NXPH1: variants seen among roughly 807,000 people sequenced by gnomAD.
NXPH1 encodes the protein neurexophilin-1.
In NXPH1, 5 loss-of-function variants were observed where a neutral mutation model predicts 23.7. The ratio of observed to expected loss-of-function variants is 0.21; its 90% CI spans 0.11 to 0.44. The LOEUF is 0.44. Ranked by LOEUF, NXPH1 falls within the 20% of genes least tolerant of loss-of-function variation. The probability of loss-of-function intolerance (pLI) is 0.99; values close to 1 mark genes in which losing one functional copy is unlikely to be tolerated. For synonymous variants in NXPH1, 144 were observed against 122.2 expected, an observed-to-expected ratio of 1.18 and a Z score of -1.18; for missense variants, 324 against 321.6, an observed-to-expected ratio of 1.01 and a Z score of -0.06.
At chr7:8,612,546 C>A (rs1040290150) in intron 2 of NXPH1, among the ~76,000 whole-genome samples, 1 of 151,978 alleles carries the variant, frequency 6.6e-6, no homozygotes, top group Non-Finnish European at 1.5e-5. Context: ...AATAAGCATT[C>A]ATATGTGCTA....
At chr7:8,467,375 G>T (rs9639042) in intron 2 of NXPH1, among the ~76,000 whole-genome samples, 1 of 151,914 alleles carries the variant, frequency 6.6e-6, no homozygotes, top group Admixed American at 6.6e-5. Flanking sequence ...ATGCACATTT[G>T]CATATAGTTG....
intron 2 of NXPH1, among the ~76,000 whole-genome samples, chr7:8,668,255 T>G (rs1820810107): frequency 1.3e-5 from 1 of 74,608 alleles, no homozygotes; most frequent in Admixed American, 1.9e-4. Context: ...TATGTCTCTT[T>G]GTTTTTTTTT....
At chr7:8,511,151 T>C (rs1817604839) in intron 2 of NXPH1, among the ~76,000 whole-genome samples, 1 of 152,152 alleles carries the variant, frequency 6.6e-6, no homozygotes. Flanking sequence ...AAAAAATTAA[T>C]GCATTATGTA....
In NXPH1 at chr7:8,583,037, C is replaced by T. The variant is rs58879505; in HGVS notation, c.54+147270C>T. ...AGGGGGCAGGTGGCTGGCATGTCAG[C>T]ACCACCCTGAGTGTGCATACACTTG... On this transcript the variant is annotated intron_variant, in intron 2 of 2. Transcript: ENST00000405863. Among the ~76,000 whole-genome samples the T allele has an allele frequency of 0.01, 1,522 of 152,152 alleles. 70 individuals carry two copies. In the East Asian group the frequency reaches 0.13, roughly 13 times the overall value.
In NXPH1 at chr7:8,546,748, C is replaced by G. The variant is rs149099822; in HGVS notation, c.54+110981C>G. On this transcript the variant is annotated intron_variant, in intron 2 of 2. Coordinates refer to ENST00000405863, the MANE Select transcript of NXPH1 (RefSeq NM_152745.3). ...GCTCCATCCCCTACCATAAGCTTGT[C>G]TAGGTTTCAGTGAACTGTCAATTAG... 3.8e-3 allele frequency among the ~76,000 whole-genome samples: 577 copies of G among 151,500 alleles called. 22 individuals are homozygous for G. Among genetic ancestry groups the G allele is most frequent in the Admixed American group, 0.031 (467 of 15,172 alleles).
At chr7:8,712,434 C>A (rs537028697) in intron 2 of NXPH1, among the ~76,000 whole-genome samples, 1 of 152,290 alleles carries the variant, frequency 6.6e-6, no homozygotes, top group South Asian at 2.1e-4. Flanking sequence ...AAATGAGTAG[C>A]TTAAACTCCT....
At chr7:8,511,715 G>A (rs1184112395) in intron 2 of NXPH1, among the ~76,000 whole-genome samples, 2 of 152,194 alleles carry the variant, frequency 1.3e-5, no homozygotes, top group Admixed American at 1.3e-4. Context: ...GTATACTACA[G>A]CAAATAACAA....
chr7:8,482,583 C>T (rs1462557938), intron 2 of NXPH1, among the ~76,000 whole-genome samples: 1 of 152,152 alleles, frequency 6.6e-6, no homozygotes, highest in East Asian at 1.9e-4. Flanking sequence ...TCTATTTTGG[C>T]CTTTTAAATC....
At chr7:8,440,207 A>G (rs1454799985) in intron 2 of NXPH1, among the ~76,000 whole-genome samples, 5 of 152,214 alleles carry the variant, frequency 3.3e-5, no homozygotes, top group African/African-American at 4.8e-5. Flanking sequence ...AGAAGTTGCT[A>G]CTATTCTAGG....
intron 2 of NXPH1, among the ~76,000 whole-genome samples, chr7:8,558,801 T>A (rs984769674): frequency 6.6e-6 from 1 of 151,702 alleles, no homozygotes; most frequent in Non-Finnish European, 1.5e-5. Flanking sequence ...ACTGCCCACC[T>A]TTCTTGCTTG....
chr7:8,542,758 T>G (rs995225100), intron 2 of NXPH1, among the ~76,000 whole-genome samples: 1 of 151,482 alleles, frequency 6.6e-6, no homozygotes, highest in Non-Finnish European at 1.5e-5. Flanking sequence ...AACTCTCACC[T>G]CAGGAGGAAA....
chr7:8,618,833 T>C (rs1819802384), intron 2 of NXPH1, among the ~76,000 whole-genome samples: 1 of 152,182 alleles, frequency 6.6e-6, no homozygotes, highest in Admixed American at 6.6e-5. Flanking sequence ...TGTTTGAATG[T>C]ATGCTAAACA....
At chr7:8,707,204 C>T (rs998062177) in intron 2 of NXPH1, among the ~76,000 whole-genome samples, 5 of 152,140 alleles carry the variant, frequency 3.3e-5, no homozygotes, top group East Asian at 1.9e-4. Context: ...CTTATAATTA[C>T]AAGGAATTTA....
chr7:8,500,802 G>A (rs1402468860), intron 2 of NXPH1, among the ~76,000 whole-genome samples: 1 of 151,994 alleles, frequency 6.6e-6, no homozygotes, highest in Non-Finnish European at 1.5e-5. Context: ...TTTTCACAGT[G>A]TTACACGATT....
chr7:8,722,442 C>T (rs532310801), intron 2 of NXPH1, among the ~76,000 whole-genome samples: 1 of 152,280 alleles, frequency 6.6e-6, no homozygotes, highest in African/African-American at 2.4e-5. Flanking sequence ...TCTCCTTCCT[C>T]ACAGTCCTCA....
intron 2 of NXPH1, among the ~76,000 whole-genome samples, chr7:8,539,107 C>G (rs2189457): frequency 0.22 from 34,043 of 151,682 alleles, 4,574 homozygotes; most frequent in East Asian, 0.5. Context: ...CACTGACTAC[C>G]TATGTAACCA....
At chr7:8,715,383 G>A (rs1779861314) in intron 2 of NXPH1, among the ~76,000 whole-genome samples, 1 of 152,142 alleles carries the variant, frequency 6.6e-6, no homozygotes, top group East Asian at 1.9e-4. Flanking sequence ...ATATGAAGTT[G>A]AAACCAGATA....
intron 2 of NXPH1, among the ~76,000 whole-genome samples, chr7:8,474,629 A>G (rs1052622070): frequency 3.9e-5 from 6 of 152,154 alleles, no homozygotes; most frequent in African/African-American, 1.2e-4. Context: ...TGATCATTAT[A>G]TTGTGAGGAT....
intron 2 of NXPH1, among the ~76,000 whole-genome samples, chr7:8,509,363 G>A (rs887411878): frequency 6.6e-6 from 1 of 152,062 alleles, no homozygotes; most frequent in Non-Finnish European, 1.5e-5. Flanking sequence ...TAAACACCTT[G>A]CTTTGGAAGA....
Sources: gnomAD v4.1 joint callset for allele counts (sites outside exome capture counted in the v4.1 genomes callset) on GRCh38, gnomAD v4.1.1 for gene constraint, MANE v1.5 for transcripts, NCBI Gene and HGNC (gene_info 2026-07-23, HGNC 2026-07-21) for gene names.